The following SHLD2 variants were observed in gnomAD, a reference collection of about 807,000 sequenced individuals.
SHLD2 encodes RINN1-REV7-interacting novel NHEJ regulator 2.
In SHLD2, 30 loss-of-function variants were observed where a neutral mutation model predicts 73.2. The ratio of observed to expected loss-of-function variants is 0.41; its 90% CI spans 0.31 to 0.56. The LOEUF (loss-of-function observed/expected upper bound fraction) is 0.56. SHLD2 is among the 20% of genes least tolerant of loss of function. SHLD2 has a pLI of 0.28. For missense variants in SHLD2, 745 were observed against 1,055.9 expected, an observed-to-expected ratio of 0.71 and a Z score of 4.08; for synonymous variants, 285 against 370.1, an observed-to-expected ratio of 0.77 and a Z score of 2.64.
intron 6 of SHLD2, among the ~76,000 whole-genome samples, chr10:87,175,102 G>GC (rs781527427): frequency 3.1e-5 from 4 of 128,126 alleles, no homozygotes; most frequent in South Asian, 2.6e-4. Flanking sequence ...GGGCAACAGA[G>GC]CGAGACTCCA....
intron 7 of SHLD2, among the ~76,000 whole-genome samples, chr10:87,177,399 C>T (rs1459407469): frequency 3.3e-5 from 5 of 151,804 alleles, no homozygotes; most frequent in South Asian, 2.1e-4. Flanking sequence ...TGTTTGAGGA[C>T]GCAGCCAGGA....
chr10:87,174,892 G>A (rs571246729), intron 6 of SHLD2, among the ~76,000 whole-genome samples: 7 of 152,028 alleles, frequency 4.6e-5, no homozygotes, highest in Non-Finnish European at 8.8e-5. Context: ...GAGGCGGGCG[G>A]ATCATGAGGT....
chr10:87,185,612 G>A (rs1848570816), intron 8 of SHLD2, among the ~76,000 whole-genome samples: 2 of 152,078 alleles, frequency 1.3e-5, no homozygotes, highest in African/African-American at 2.4e-5. Context: ...ATGTGCTTTC[G>A]GGTCGTATCT....
At chr10:87,187,303 C>T in intron 9 of SHLD2, 103 bp downstream of exon 9, 1 of 747,990 alleles carries the variant, frequency 1.3e-6, no homozygotes, top group Non-Finnish European at 2.4e-6. Context: ...CTTTTCTGTC[C>T]ATATGAAAAC....
intron 2 of SHLD2, among the ~76,000 whole-genome samples, chr10:87,119,558 G>A (rs961330617): frequency 3.9e-5 from 6 of 152,064 alleles, no homozygotes; most frequent in Non-Finnish European, 7.3e-5. Context: ...TCAAGAGATC[G>A]AGACCATCCT....
intron 2 of SHLD2, among the ~76,000 whole-genome samples, chr10:87,136,663 C>T (rs1015277731): frequency 6.6e-6 from 1 of 151,990 alleles, no homozygotes; most frequent in Non-Finnish European, 1.5e-5. Flanking sequence ...ATGATTCTAA[C>T]TTCCTGCCCT....
rs539957605 is a variant in SHLD2 at position 87,123,249 on chromosome 10, C to G, written c.-6+26260C>G. 1.0e-3 allele frequency among the ~76,000 whole-genome samples: 153 copies of G among 152,202 alleles called. 1 individual carries two copies. The highest frequency in any genetic ancestry group is 3.7e-3 in the African/African-American group (152 of 41,538). ...AATCAACATTTATTTTAGAAGGTGA[C>G]TTTCTTCAATGAGATGTCAATGTCT... On this transcript the variant is annotated intron_variant, in intron 2 of 9. Transcript: ENST00000298786.
At chr10:87,114,751 A>C (rs528224638) in intron 2 of SHLD2, among the ~76,000 whole-genome samples, 3 of 152,046 alleles carry the variant, frequency 2.0e-5, no homozygotes, top group East Asian at 3.9e-4. Flanking sequence ...ACAAACAAAA[A>C]ACCAGTCAGT....
At chr10:87,161,335 G>T (rs1172274909) in intron 4 of SHLD2, among the ~76,000 whole-genome samples, 1 of 152,136 alleles carries the variant, frequency 6.6e-6, no homozygotes, top group East Asian at 1.9e-4. Context: ...CAGCTGTTTG[G>T]GAGGCTGAGG....
intron 2 of SHLD2, among the ~76,000 whole-genome samples, chr10:87,107,375 C>T (rs1215866386): frequency 6.6e-6 from 1 of 152,044 alleles, no homozygotes; most frequent in African/African-American, 2.4e-5. Flanking sequence ...GGTCTTGCCA[C>T]TGCACTCCAG....
At chr10:87,175,564 A>T (rs1263109863) in intron 6 of SHLD2, among the ~76,000 whole-genome samples, 2 of 151,346 alleles carry the variant, frequency 1.3e-5, no homozygotes, top group African/African-American at 4.9e-5. Flanking sequence ...CGCACCTGTA[A>T]TCCCAGCTAC....
At chr10:87,155,663 G>A (rs961814944) in intron 3 of SHLD2, among the ~76,000 whole-genome samples, 4 of 151,674 alleles carry the variant, frequency 2.6e-5, no homozygotes, top group African/African-American at 9.7e-5. Context: ...GGCAATTAAT[G>A]TCAGCAGGGA....
intron 2 of SHLD2, among the ~76,000 whole-genome samples, chr10:87,098,620 C>T (rs1842063286): frequency 6.6e-6 from 1 of 151,776 alleles, no homozygotes; most frequent in South Asian, 2.1e-4. Context: ...TATCTGACTC[C>T]AAAGTTATAC....
chr10:87,158,057 T>C lies in SHLD2; in HGVS notation c.1535T>C (p.Ile512Thr). The C allele has an allele frequency of 3.1e-6, 5 of 1,611,284 alleles. No homozygotes were observed. Among genetic ancestry groups the C allele is most frequent in the Middle Eastern group, 2.3e-4 (1 of 4,426 alleles). Residue 512 changes from isoleucine to threonine, a missense_variant, in exon 4 of 10, where the codon ATT (isoleucine) becomes ACT (threonine). Coordinates refer to ENST00000298786, the MANE Select transcript of SHLD2 (RefSeq NM_001330112.2). ...GDIILLTDVVIHEDQWIGETV... is the reference protein window; with the variant it reads ...GDIILLTDVVTHEDQWIGETV... ...TTTTTTCTCTCTCTAGATGTTGTTA[T>C]TCATGAGGACCAATGGATTGGCGAG...
chr10:87,142,807 C>A (rs1845292894), intron 2 of SHLD2, among the ~76,000 whole-genome samples: 1 of 138,776 alleles, frequency 7.2e-6, no homozygotes, highest in African/African-American at 2.7e-5. Context: ...TGTTTTTCAT[C>A]TTTTGTGGGA....
intron 2 of SHLD2, among the ~76,000 whole-genome samples, chr10:87,151,114 C>T (rs1450123875): frequency 3.3e-5 from 5 of 152,138 alleles, no homozygotes; most frequent in East Asian, 1.9e-4. Flanking sequence ...TGAGCCACTG[C>T]GCCCGGCCTA....
intron 6 of SHLD2, among the ~76,000 whole-genome samples, chr10:87,173,912 C>T (rs550643556): frequency 6.6e-6 from 1 of 152,232 alleles, no homozygotes; most frequent in South Asian, 2.1e-4. Context: ...ATTGAAAACA[C>T]ACAAAGTAAT....
At chr10:87,095,491 G>C (rs1195512394) in intron 1 of SHLD2, among the ~76,000 whole-genome samples, 1 of 152,190 alleles carries the variant, frequency 6.6e-6, no homozygotes, top group Non-Finnish European at 1.5e-5. Flanking sequence ...CCGGGGCCGG[G>C]CGTGCAGGGG....
rs1183175603 is a variant in SHLD2 at position 87,130,121 on chromosome 10, G to A, written c.-5-21229G>A. ...TGGTAGATGCTTTCCTCAGATGAGT[G>A]GTAATCCTTGACTATTTGCAGTTAT... On this transcript the variant is annotated intron_variant, in intron 2 of 9. Transcript: ENST00000298786. 2.0e-5 allele frequency among the ~76,000 whole-genome samples: 3 copies of A among 151,796 alleles called. No individual in the cohort carries two copies. The East Asian group carries it at 5.8e-4, about 29-fold the overall frequency.
Sources: gnomAD v4.1 joint callset for allele counts (sites outside exome capture counted in the v4.1 genomes callset) on GRCh38, gnomAD v4.1.1 for gene constraint, MANE v1.5 for transcripts, NCBI Gene and HGNC (gene_info 2026-07-23, HGNC 2026-07-21) for gene names.